XYLT1: variants seen among roughly 807,000 people sequenced by gnomAD.
The protein encoded by XYLT1 is beta-D-xylosyltransferase 1.
In XYLT1, 36 loss-of-function variants were observed where a neutral mutation model predicts 91.3. The observed-to-expected ratio is 0.39, with a 90% CI of 0.30 to 0.52. The LOEUF is 0.52. XYLT1 is among the 20% of genes least tolerant of loss of function. The pLI is 0.68. For synonymous variants in XYLT1, 588 were observed against 532.0 expected, an observed-to-expected ratio of 1.11 and a Z score of -1.45; for missense variants, 1,242 against 1,284.5, an observed-to-expected ratio of 0.97 and a Z score of 0.51.
chr16:17,295,135 C>T (rs1173344156), intron 2 of XYLT1, among the ~76,000 whole-genome samples: 2 of 152,138 alleles, frequency 1.3e-5, no homozygotes, highest in East Asian at 3.9e-4. Flanking sequence ...GGTAAGTGAG[C>T]ATGCTGCTTG....
intron 11 of XYLT1, among the ~76,000 whole-genome samples, chr16:17,111,021 G>A (rs368101894): frequency 1.3e-5 from 2 of 152,154 alleles, no homozygotes; most frequent in Non-Finnish European, 2.9e-5. Flanking sequence ...TAAGCCGGGC[G>A]TGATGGCTGA....
intron 2 of XYLT1, among the ~76,000 whole-genome samples, chr16:17,260,216 C>T (rs961984143): frequency 1.1e-4 from 16 of 152,046 alleles, no homozygotes; most frequent in African/African-American, 3.1e-4. Context: ...CTGGAGACCA[C>T]GCATGGCATG....
At chr16:17,115,816 A>AAAAAAAC in intron 11 of XYLT1, among the ~76,000 whole-genome samples, 1 of 149,058 alleles carries the variant, frequency 6.7e-6, no homozygotes, top group African/African-American at 2.4e-5. Context: ...AAAAAAAAAA[A>AAAAAAAC]AAAAAAAAAG....
intron 2 of XYLT1, among the ~76,000 whole-genome samples, chr16:17,281,383 G>A (rs1239345066): frequency 6.6e-6 from 1 of 152,198 alleles, no homozygotes; most frequent in Non-Finnish European, 1.5e-5. Flanking sequence ...ATGGTACTCT[G>A]TGGACCCTGC....
intron 3 of XYLT1, among the ~76,000 whole-genome samples, chr16:17,218,795 G>T (rs138149720): frequency 6.6e-6 from 1 of 152,062 alleles, no homozygotes. Context: ...GATCCTCCAC[G>T]GGCACAGCCT....
At chr16:17,196,608 AT>A (rs926844227) in intron 5 of XYLT1, among the ~76,000 whole-genome samples, 2 of 152,054 alleles carry the variant, frequency 1.3e-5, no homozygotes, top group Admixed American at 1.3e-4. Flanking sequence ...TAAAAGTTTT[AT>A]TTTTTTAGGA....
chr16:17,446,787 C>T (rs2036597080), intron 1 of XYLT1, among the ~76,000 whole-genome samples: 1 of 152,186 alleles, frequency 6.6e-6, no homozygotes, highest in Non-Finnish European at 1.5e-5. Context: ...GGAGACTCAA[C>T]CAACCCTCAG....
chr16:17,369,196 C>G (rs566001735), intron 1 of XYLT1, among the ~76,000 whole-genome samples: 23 of 141,144 alleles, frequency 1.6e-4, no homozygotes, highest in African/African-American at 4.5e-4. Context: ...GTGGCGTGAT[C>G]TCGGCTCACT....
intron 2 of XYLT1, among the ~76,000 whole-genome samples, chr16:17,316,971 C>T (rs2034644134): frequency 6.6e-6 from 1 of 151,594 alleles, no homozygotes; most frequent in Admixed American, 6.6e-5. Flanking sequence ...TACAGGCGCC[C>T]GCCACCTCGC....
At chr16:17,200,217 C>CAAA (rs57616682) in intron 4 of XYLT1, among the ~76,000 whole-genome samples, 4 of 146,692 alleles carry the variant, frequency 2.7e-5, no homozygotes, top group African/African-American at 5.0e-5. Context: ...GACATTCCAT[C>CAAA]AAAAAAAAAA....
Position 17,327,295 on chromosome 16 carries a change from C to T in XYLT1, c.402+30717G>A, listed in dbSNP as rs373870356. Among the ~76,000 whole-genome samples the T allele has an allele frequency of 9.5e-4, 143 of 150,928 alleles. 1 individual carries two copies. The East Asian group carries it at 0.024, about 26-fold the overall frequency. On this transcript the variant is annotated intron_variant, in intron 2 of 11. Coordinates refer to ENST00000261381, the MANE Select transcript of XYLT1 (RefSeq NM_022166.4). The stretch of plus-strand genomic sequence containing the variant: ...ACAAAGTAGATAAAACACCTGTCAA[C>T]AAAAACAGCCATACTCGGGTTGAAT...
At chr16:17,396,839 C>G (rs1291781534) in intron 1 of XYLT1, among the ~76,000 whole-genome samples, 2 of 152,166 alleles carry the variant, frequency 1.3e-5, no homozygotes, top group Non-Finnish European at 1.5e-5. Flanking sequence ...CCACTGTACT[C>G]TGGCCTGGGC....
At chr16:17,347,665 A>T (rs1277002298) in intron 2 of XYLT1, among the ~76,000 whole-genome samples, 1 of 152,174 alleles carries the variant, frequency 6.6e-6, no homozygotes, top group Non-Finnish European at 1.5e-5. Context: ...CCTCTCCTTT[A>T]ATCAAAACAT....
At position 17,121,482 on chromosome 16, in the gene XYLT1, A is replaced by T. The variant is rs112096865; in HGVS notation, c.2224-3503T>A. 3.9e-3 allele frequency among the ~76,000 whole-genome samples: 589 copies of T among 152,308 alleles called. 4 individuals carry two copies. The highest frequency in any genetic ancestry group is 0.013 in the African/African-American group (555 of 41,566). On this transcript the variant is annotated intron_variant, in intron 10 of 11. Transcript: ENST00000261381. ...AATGGTCAATTACCCAAATTCAAAT[A>T]CATATTCAAATTCAAGCTTAACATA...
At chr16:17,347,432 AT>A (rs1274192018) in intron 2 of XYLT1, among the ~76,000 whole-genome samples, 4 of 152,184 alleles carry the variant, frequency 2.6e-5, no homozygotes, top group African/African-American at 9.7e-5. Flanking sequence ...TGCCTGGGGC[AT>A]CTCTTCTCAC....
intron 3 of XYLT1, among the ~76,000 whole-genome samples, chr16:17,222,456 C>T (rs895832715): frequency 1.3e-5 from 2 of 152,138 alleles, no homozygotes; most frequent in Admixed American, 6.6e-5. Context: ...CTGCTTGAAA[C>T]CCGTGATCCT....
intron 1 of XYLT1, among the ~76,000 whole-genome samples, chr16:17,368,077 CA>C (rs2141871701): frequency 6.6e-6 from 1 of 152,322 alleles, no homozygotes; most frequent in Non-Finnish European, 1.5e-5. Context: ...TGTGATTCAG[CA>C]GTGCTTCGCG....
intron 3 of XYLT1, among the ~76,000 whole-genome samples, chr16:17,246,167 G>T (rs905138129): frequency 6.6e-6 from 1 of 152,196 alleles, no homozygotes; most frequent in East Asian, 1.9e-4. Flanking sequence ...GTAATTCTGG[G>T]TAAGTTTTCT....
At chr16:17,437,710 T>A (rs751482470) in intron 1 of XYLT1, among the ~76,000 whole-genome samples, 1 of 152,100 alleles carries the variant, frequency 6.6e-6, no homozygotes, top group Non-Finnish European at 1.5e-5. Context: ...CCTCTCCCCA[T>A]GCACCAATTA....
Sources: allele counts gnomAD v4.1 joint callset (sites outside exome capture counted in the v4.1 genomes callset), GRCh38; gene constraint gnomAD v4.1.1; transcripts MANE v1.5; gene names NCBI Gene and HGNC (gene_info 2026-07-23, HGNC 2026-07-21).